Variants in PPP1R10 observed in about 807,000 individuals in gnomAD.
PPP1R10 encodes the protein protein phosphatase 1 regulatory subunit 10, also known as serine/threonine-protein phosphatase 1 regulatory subunit 10.
In PPP1R10, 15 loss-of-function variants were observed where a neutral mutation model predicts 99.0. The ratio of observed to expected loss-of-function variants is 0.15; its 90% CI spans 0.10 to 0.23. The LOEUF (loss-of-function observed/expected upper bound fraction) is 0.23, where lower values mean the gene tolerates loss of function less well. PPP1R10 is among the 10% of genes least tolerant of loss of function. The pLI is 1.00. For synonymous variants in PPP1R10, 430 were observed against 449.5 expected, an observed-to-expected ratio of 0.96 and a Z score of 0.55; for missense variants, 947 against 1,259.4, an observed-to-expected ratio of 0.75 and a Z score of 3.75.
In PPP1R10 at chr6:30,601,944, T is replaced by C; in HGVS notation, c.2705A>G (p.His902Arg). Residue 902 changes from histidine (H) to arginine (R), a missense_variant, in exon 19 of 20, where the codon CAT becomes CGT. Around this residue, in one of 10 missense-constraint regions of PPP1R10, gnomAD observed 525 missense variants for 578.8 expected, o/e 0.91. Transcript: ENST00000376511. The part of the protein sequence containing the change: ...GHRGHDGGHS[H>R]GGDMSNRPVC... Reference sequence around the variant, plus strand: ...ACAGGGAGCATCCTCACCTCCTCCATGGCTGTGGCCTCCATCGTGCCCTCG... The same window carrying C: ...ACAGGGAGCATCCTCACCTCCTCCACGGCTGTGGCCTCCATCGTGCCCTCG... 6.6e-7 allele frequency: 1 copy of C among 1,509,028 alleles called. No individual in the cohort carries two copies. Among genetic ancestry groups the C allele is most frequent in the Middle Eastern group, 1.8e-4 (1 of 5,580 alleles). 93.5% of individuals were successfully genotyped at this position (1,509,028 alleles called of 1,614,324 possible).
At chr6:30,608,288 G>GT (rs1232481522) in intron 5 of PPP1R10, among the ~76,000 whole-genome samples, 2 of 146,726 alleles carry the variant, frequency 1.4e-5, no homozygotes, top group Admixed American at 6.8e-5. Context: ...CACCACACCT[G>GT]GCTGACACAT....
chr6:30,616,143 T>G (rs1760504003), intron 2 of PPP1R10, among the ~76,000 whole-genome samples: 1 of 152,212 alleles, frequency 6.6e-6, no homozygotes, highest in Admixed American at 6.5e-5. Flanking sequence ...CAGAGGAAGG[T>G]AACCATTCCT....
intron 15 of PPP1R10, 52 bp from the exon 16 acceptor site, chr6:30,603,718 A>G: frequency 1.3e-6 from 2 of 1,552,270 alleles, no homozygotes; most frequent in Non-Finnish European, 1.7e-6. Flanking sequence ...ACATTCTCAT[A>G]TGAAAGATGC....
Position 30,602,755 on chromosome 6 carries a change from C to T in PPP1R10, c.1958-64G>A, listed in dbSNP as rs1803499087. On this transcript the variant is annotated intron_variant, in intron 18 of 19. Coordinates refer to ENST00000376511, the MANE Select transcript of PPP1R10 (RefSeq NM_002714.4). This position sits in a 1 kb window ranked among gnomAD's most constrained non-coding sequence, Gnocchi z 6.7. ...AGGAACTGCCATCTCCCAACCTAAA[C>T]CACCACCTCCCACCTTCCAGTCAAT... 6.4e-7 allele frequency: 1 copy of T among 1,563,658 alleles called. No homozygotes were observed. The highest frequency in any genetic ancestry group is 8.7e-7 in the Non-Finnish European group (1 of 1,150,094).
Position 30,601,545 on chromosome 6 carries a change from G to T in PPP1R10, c.*4C>A. Reference sequence around the variant, plus strand: ...GTTGTGTGAACAGGGCAGGCAAATGGTCCCTAGGGCAGGGGGGGCCCATTG... The same window carrying T: ...GTTGTGTGAACAGGGCAGGCAAATGTTCCCTAGGGCAGGGGGGGCCCATTG... On this transcript the variant is annotated 3_prime_UTR_variant, in exon 20 of 20. Transcript: ENST00000376511. The T allele has an allele frequency of 1.2e-6, 2 of 1,613,336 alleles. No homozygotes were observed. Among genetic ancestry groups the T allele is most frequent in the Non-Finnish European group, 1.7e-6 (2 of 1,179,360 alleles).
chr6:30,603,731 C>T (rs375245262), intron 15 of PPP1R10, 49 bp downstream of exon 15: 7 of 1,545,810 alleles, frequency 4.5e-6, no homozygotes, highest in Admixed American at 4.1e-5. Flanking sequence ...AAAGATGCAC[C>T]GAATTCAATG....
chr6:30,603,512 C>A lies in PPP1R10; in HGVS notation c.1727G>T (p.Gly576Val). Reference sequence around the variant, plus strand: ...GATCTCTTGGACATTAATGCCTCCTCCTCCAGGGCCTTGGGGGCCCTTTCC... The same window carrying A: ...GATCTCTTGGACATTAATGCCTCCTACTCCAGGGCCTTGGGGGCCCTTTCC... ...GAGKGPQGPG[G>V]GGINVQEILT... is the part of the protein sequence containing the mutation. Residue 576 changes from glycine to valine, a missense_variant, in exon 16 of 20, where the codon GGA (glycine) becomes GTA (valine). Physicochemically the swap from Gly to Val is moderately radical, Grantham distance 109. Transcript: ENST00000376511. The A allele has an allele frequency of 6.2e-7, 1 of 1,613,134 alleles. No homozygotes were observed. Among genetic ancestry groups the A allele is most frequent in the Non-Finnish European group, 8.5e-7 (1 of 1,179,600 alleles).
intron 2 of PPP1R10, among the ~76,000 whole-genome samples, chr6:30,613,686 T>G (rs930558907): frequency 6.6e-6 from 1 of 152,212 alleles, no homozygotes; most frequent in African/African-American, 2.4e-5. Flanking sequence ...GATCAGGTTT[T>G]CCAAGATTTT....
Position 30,606,690 on chromosome 6 carries a change from G to C in PPP1R10, c.461-49C>G. 1 of 1,612,822 alleles carries C rather than the reference G, an allele frequency of 6.2e-7. No homozygotes were observed. The highest frequency in any genetic ancestry group is 8.5e-7 in the Non-Finnish European group (1 of 1,178,864). On this transcript the variant is annotated intron_variant, in intron 7 of 19. Transcript: ENST00000376511. This position sits in a 1 kb window ranked among gnomAD's most constrained non-coding sequence, Gnocchi z 6.3. Reference sequence around the variant, plus strand: ...AAAGGATTTTATTTAGATGAACACTGTCAGAGGTGAAGCAGACTGGGAGCA... The same window carrying C: ...AAAGGATTTTATTTAGATGAACACTCTCAGAGGTGAAGCAGACTGGGAGCA...
chr6:30,606,812 C>T lies in PPP1R10; in HGVS notation c.427G>A (p.Val143Ile), dbSNP rs1260959956. ...TGGGTACTGCTCTGAGAGCGGATGA[C>T]AGCCATCCAGTCGCTGACAAGGACT... Reference protein sequence around the residue: ...ASVLVSDWMAVIRSQSSTQPA... With the variant: ...ASVLVSDWMAIIRSQSSTQPA... The change falls in exon 7 of 20, where the codon GTC (valine) becomes ATC (isoleucine). Residue 143 changes from valine (V) to isoleucine (I), a missense_variant. Val to Ile is a conservative substitution (Grantham distance 29, BLOSUM62 3). Coordinates refer to ENST00000376511, the MANE Select transcript of PPP1R10 (RefSeq NM_002714.4). This position sits in a 1 kb window ranked among gnomAD's most constrained non-coding sequence, Gnocchi z 6.3. 6.2e-7 allele frequency: 1 copy of T among 1,613,994 alleles called. No homozygotes were observed. The highest frequency in any genetic ancestry group is 1.1e-5 in the South Asian group (1 of 91,078).
rs761040776 is a variant in PPP1R10 at position 30,601,677 on chromosome 6, A to C, written c.2714-19T>G. 1 of 1,608,264 alleles carries C rather than the reference A, an allele frequency of 6.2e-7. No homozygotes were observed. Among genetic ancestry groups the C allele is most frequent in the Non-Finnish European group, 8.5e-7 (1 of 1,174,950 alleles). On this transcript the variant is annotated intron_variant, in intron 19 of 19. Coordinates refer to ENST00000376511, the MANE Select transcript of PPP1R10 (RefSeq NM_002714.4). The stretch of plus-strand genomic sequence containing the variant: ...GACATGTCTGTGGGAACGATGGCAA[A>C]ACAGTTAGACAGGAAATAGCTGAGG...
At position 30,604,080 on chromosome 6, in the gene PPP1R10, T is replaced by A; in HGVS notation, c.1436A>T (p.Asn479Ile). ...LPSPLVTPGS[N>I]SQERYIQAER... ...AGCCTGGATATATCGCTCCTGACTA[T>A]TGCTTCCAGGGGTGACAAGAGGTGA... The change falls in exon 14 of 20, where the codon AAT becomes ATT. Residue 479 changes from asparagine to isoleucine, a missense_variant. Around this residue, in one of 10 missense-constraint regions of PPP1R10, gnomAD observed 50 missense variants for 78.6 expected, o/e 0.64. Transcript: ENST00000376511. This position sits in a 1 kb window ranked among gnomAD's most constrained non-coding sequence, Gnocchi z 7.3. 6.2e-7 allele frequency: 1 copy of A among 1,613,886 alleles called. No individual in the cohort carries two copies.
chr6:30,604,557 AC>A lies in PPP1R10; in HGVS notation c.1102+30del, dbSNP rs1192701116. 7.4e-6 allele frequency: 12 copies of A among 1,611,184 alleles called. No individual in the cohort carries two copies. The highest frequency in any genetic ancestry group is 8.5e-6 in the Non-Finnish European group (10 of 1,179,482). On this transcript the variant is annotated intron_variant, in intron 12 of 19. Coordinates refer to ENST00000376511, the MANE Select transcript of PPP1R10 (RefSeq NM_002714.4). This position sits in a 1 kb window ranked among gnomAD's most constrained non-coding sequence, Gnocchi z 7.3. ...AGACCCAGATCCCTCCTTTCAGAAA[AC>A]CCCCCAAACTGAACCAGTTTCTAGA...
intron 2 of PPP1R10, among the ~76,000 whole-genome samples, chr6:30,613,017 T>C (rs958329077): frequency 1.3e-5 from 2 of 152,042 alleles, no homozygotes; most frequent in African/African-American, 4.8e-5. Flanking sequence ...AGGTGGGGAG[T>C]GAGGTAGCAA....
chr6:30,609,153 C>T lies in PPP1R10; in HGVS notation c.118G>A (p.Glu40Lys), dbSNP rs774317867. ...CATCGACTCACCATCTTTCGTGCTT[C>T]CTTCATCAAACTGCAGAAGATGAGT... ...GISKIFSLMK[E>K]ARKMVSRCTY... Residue 40 changes from glutamate (E) to lysine (K), a missense_variant, in exon 4 of 20, where the codon GAA becomes AAA. Coordinates refer to ENST00000376511, the MANE Select transcript of PPP1R10 (RefSeq NM_002714.4). The surrounding 1 kb of genome is among the most constrained non-coding windows in gnomAD (Gnocchi z 4.5). 1.9e-6 allele frequency: 3 copies of T among 1,613,202 alleles called. No individual in the cohort carries two copies. In the South Asian group the frequency reaches 3.3e-5, roughly 18 times the overall value.
chr6:30,601,380 G>T lies in PPP1R10; in HGVS notation c.*169C>A. 3.3e-6 allele frequency: 2 copies of T among 609,848 alleles called. No homozygotes were observed. The highest frequency in any genetic ancestry group is 2.0e-5 in the South Asian group (1 of 50,220). The allele number at this position is 609,848 out of a possible 1,614,324, so 37.8% of individuals were successfully genotyped here. A position where few individuals can be genotyped will look rare whatever the true frequency, so the allele number is the denominator to read the frequency against. ...TGGAGGAAAATATGTACATCAATGC[G>T]CACCAGTGATCAGAAAACCCCCAGG... On this transcript the variant is annotated 3_prime_UTR_variant, in exon 20 of 20. Coordinates refer to ENST00000376511, the MANE Select transcript of PPP1R10 (RefSeq NM_002714.4).
rs143845293 is a variant in PPP1R10 at position 30,602,935 on chromosome 6, C to T, written c.1868G>A (p.Gly623Asp). The T allele has an allele frequency of 4.8e-5, 74 of 1,553,392 alleles. No individual in the cohort carries two copies. Among genetic ancestry groups the T allele is most frequent in the Non-Finnish European group, 6.2e-5 (71 of 1,147,556 alleles). ...TGGTGGGAAACCATTGGCTATTGGG[C>T]CAGGGCCTAGGAGTCCATGTGGCAC... Reference protein sequence around the residue: ...MLVPHGLLGPGPIANGFPPGG... With the variant: ...MLVPHGLLGPDPIANGFPPGG... The change falls in exon 18 of 20, where the codon GGC becomes GAC. Residue 623 changes from glycine (G) to aspartate (D), a missense_variant. Gly to Asp is a moderately conservative substitution (Grantham distance 94, BLOSUM62 -1). Transcript: ENST00000376511. This position sits in a 1 kb window ranked among gnomAD's most constrained non-coding sequence, Gnocchi z 6.7.
At chr6:30,613,564 A>ATACAT (rs139786926) in intron 2 of PPP1R10, among the ~76,000 whole-genome samples, 6,729 of 152,244 alleles carry the variant, frequency 0.044, 263 homozygotes, top group African/African-American at 0.11. Flanking sequence ...TGCAAACCTG[A>ATACAT]TACATGAGCT....
In PPP1R10 at chr6:30,602,537, A is replaced by G. The variant is rs773090648; in HGVS notation, c.2112T>C (p.His704=). 10 of 1,535,638 alleles carry G rather than the reference A, an allele frequency of 6.5e-6. No homozygotes were observed. The highest frequency in any genetic ancestry group is 7.9e-6 in the Non-Finnish European group (9 of 1,137,080). The change falls in exon 19 of 20, where the codon CAT becomes CAC. Residue 704 remains histidine (H), a synonymous_variant. Coordinates refer to ENST00000376511, the MANE Select transcript of PPP1R10 (RefSeq NM_002714.4). This position sits in a 1 kb window ranked among gnomAD's most constrained non-coding sequence, Gnocchi z 6.7. ...GGPGPGPGPY[H]RGRGGRGGNE... ...TTCCTCCTCGGCCACCTCGGCCTCT[A>G]TGGTATGGTCCAGGACCTGGTCCTG...
Sources: gnomAD v4.1 joint callset for allele counts (sites outside exome capture counted in the v4.1 genomes callset) on GRCh38, gnomAD v4.1.1 for gene constraint, gnomAD v4.1.1 regional missense constraint, Gnocchi (gnomAD v3.1) non-coding constraint, MANE v1.5 for transcripts, NCBI Gene and HGNC (gene_info 2026-07-23, HGNC 2026-07-21) for gene names.